PAFAH2: variants seen among roughly 807,000 people sequenced by gnomAD.
PAFAH2 encodes platelet activating factor acetylhydrolase 2.
In PAFAH2, 42 loss-of-function variants were observed where a neutral mutation model predicts 49.0. That is an observed-to-expected ratio of 0.86 (90% CI 0.67 to 1.11). The LOEUF (loss-of-function observed/expected upper bound fraction) is 1.11. Ranked by LOEUF, PAFAH2 falls within the 50% of genes least tolerant of loss-of-function variation. The pLI is 0.00. For missense variants in PAFAH2, 503 were observed against 501.8 expected, an observed-to-expected ratio of 1.00 and a Z score of -0.02; for synonymous variants, 184 against 181.3, an observed-to-expected ratio of 1.01 and a Z score of -0.12.
At chr1:25,992,246 A>G (rs749062135) in intron 1 of PAFAH2, among the ~76,000 whole-genome samples, 13 of 152,122 alleles carry the variant, frequency 8.5e-5, no homozygotes, top group Non-Finnish European at 1.2e-4. Context: ...ACTACTGAAT[A>G]TGGGGTAGCA....
At chr1:25,973,862 G>T (rs1287451873) in intron 9 of PAFAH2, among the ~76,000 whole-genome samples, 2 of 152,168 alleles carry the variant, frequency 1.3e-5, no homozygotes, top group Non-Finnish European at 2.9e-5. Context: ...TGAGATCTCA[G>T]CCCGACATCT....
intron 10 of PAFAH2, among the ~76,000 whole-genome samples, chr1:25,970,262 T>C (rs368133519): frequency 2.0e-5 from 3 of 152,058 alleles, no homozygotes; most frequent in East Asian, 3.9e-4. Context: ...AGGTTAGGAG[T>C]TCGAGACCAG....
At position 25,991,249 on chromosome 1, in the gene PAFAH2, T is replaced by C. The variant is rs143448249; in HGVS notation, c.-47-386A>G. 2.7e-3 allele frequency among the ~76,000 whole-genome samples: 416 copies of C among 152,198 alleles called. 3 individuals are homozygous for C. The highest frequency in any genetic ancestry group is 8.4e-3 in the African/African-American group (349 of 41,540). ...ACCTCTTTATAGACACTATACACAT[T>C]GCATCATTTCATTGTCTCAACCACT... On this transcript the variant is annotated intron_variant, in intron 1 of 10. Coordinates refer to ENST00000374282, the MANE Select transcript of PAFAH2 (RefSeq NM_000437.4).
chr1:25,972,416 T>C, intron 10 of PAFAH2, 142 bp downstream of exon 10: 1 of 921,250 alleles, frequency 1.1e-6, no homozygotes, highest in Non-Finnish European at 1.6e-6. Context: ...TCTGTAATTC[T>C]ATGTAAGTCT....
intron 10 of PAFAH2, 66 bp from the exon 11 acceptor site, chr1:25,962,149 A>G: frequency 7.4e-6 from 10 of 1,344,146 alleles, no homozygotes; most frequent in Non-Finnish European, 8.5e-6. Context: ...AGTAGCTGAC[A>G]TGCATTGAAG....
intron 2 of PAFAH2, among the ~76,000 whole-genome samples, chr1:25,990,093 G>A (rs1439020714): frequency 2.0e-5 from 3 of 152,046 alleles, no homozygotes; most frequent in East Asian, 1.9e-4. Context: ...GAAGTCCAAG[G>A]GCTAGCAGAG....
At chr1:25,975,499 C>A (rs1019454012) in intron 8 of PAFAH2, among the ~76,000 whole-genome samples, 6 of 152,166 alleles carry the variant, frequency 3.9e-5, no homozygotes, top group African/African-American at 1.2e-4. Context: ...TCACTTGAGC[C>A]CAGGAGGTTG....
intron 10 of PAFAH2, among the ~76,000 whole-genome samples, chr1:25,972,031 G>T (rs1038634042): frequency 2.0e-5 from 3 of 152,096 alleles, no homozygotes; most frequent in Admixed American, 6.5e-5. Flanking sequence ...ACTAGGCCAG[G>T]TCATTCTGCA....
intron 4 of PAFAH2, among the ~76,000 whole-genome samples, chr1:25,987,162 A>G (rs532769909): frequency 6.6e-6 from 1 of 151,824 alleles, no homozygotes; most frequent in Middle Eastern, 3.4e-3. Flanking sequence ...TGAACCCGGA[A>G]GGCAAAGGTT....
At chr1:25,988,627 AC>A (rs1298918531) in intron 3 of PAFAH2, among the ~76,000 whole-genome samples, 1 of 151,630 alleles carries the variant, frequency 6.6e-6, no homozygotes, top group Non-Finnish European at 1.5e-5. Flanking sequence ...GCCAAGTGAA[AC>A]CCCGTCTCTA....
rs200838566 is a variant in PAFAH2, at chr1:25,976,754, C to T, written c.686G>A (p.Arg229His). Reference protein sequence around the residue: ...MTLKGNIDMSRVAVMGHSFGG... With the variant: ...MTLKGNIDMSHVAVMGHSFGG... ...AAATGAATGTCCCATCACAGCCACA[C>T]GGCTCATGTCAATGTTGCCCTGAGG... Residue 229 changes from arginine (R) to histidine (H), a missense_variant, in exon 8 of 11, where the codon CGT becomes CAT. Transcript: ENST00000374282. 4.2e-5 allele frequency: 67 copies of T among 1,614,116 alleles called. 1 individual carries two copies. Among genetic ancestry groups the T allele is most frequent in the South Asian group, 2.0e-4 (18 of 91,076 alleles).
intron 9 of PAFAH2, 45 bp downstream of exon 9, chr1:25,974,435 G>A (rs374801544): frequency 2.7e-6 from 4 of 1,491,166 alleles, no homozygotes; most frequent in Non-Finnish European, 3.6e-6. Context: ...ACAGCAAGTG[G>A]CAAATGGAGA....
rs572041004 is a variant in PAFAH2, at chr1:25,991,440, C to T, written c.-47-577G>A. Among the ~76,000 whole-genome samples the T allele has an allele frequency of 3.0e-3, 451 of 151,970 alleles. 4 individuals are homozygous for T. Among genetic ancestry groups the T allele is most frequent in the African/African-American group, 0.01 (424 of 41,478 alleles). Reference sequence around the variant, plus strand: ...GATTACAGGCACGTGCCACCATGCCCAGCTAATTTTTTGTTTAATTTTTAG... The same window carrying T: ...GATTACAGGCACGTGCCACCATGCCTAGCTAATTTTTTGTTTAATTTTTAG... On this transcript the variant is annotated intron_variant, in intron 1 of 10. Coordinates refer to ENST00000374282, the MANE Select transcript of PAFAH2 (RefSeq NM_000437.4).
intron 1 of PAFAH2, among the ~76,000 whole-genome samples, chr1:25,994,176 C>T (rs2049909740): frequency 7.0e-6 from 1 of 142,142 alleles, no homozygotes; most frequent in South Asian, 2.2e-4. Flanking sequence ...GGGTCTTGCT[C>T]TGTCTCCCAG....
At chr1:25,978,283 T>C (rs2049627412) in intron 7 of PAFAH2, among the ~76,000 whole-genome samples, 1 of 152,166 alleles carries the variant, frequency 6.6e-6, no homozygotes, top group Non-Finnish European at 1.5e-5. Context: ...CCCCTGTCTT[T>C]TTCTATATAG....
intron 1 of PAFAH2, chr1:25,997,631 C>T (rs1264941384): frequency 6.6e-6 from 1 of 152,240 alleles, no homozygotes; most frequent in African/African-American, 2.4e-5. Flanking sequence ...TCTTCCACCG[C>T]CATGAAAAAC....
Position 25,989,524 on chromosome 1 carries a change from A to G in PAFAH2, c.168T>C (p.Tyr56=), listed in dbSNP as rs2124365148. ...ACTCGGCCAGGCCAGTGCAGTACTC[A>G]TAGCGGGGAATCCACAGGGGCTGCT... ...TMEQPLWIPR[Y]EYCTGLAEYL... is the part of the protein sequence containing the mutation. Residue 56 remains tyrosine, a synonymous_variant, in exon 3 of 11, where the codon TAT becomes TAC. Transcript: ENST00000374282. 6.2e-7 allele frequency: 1 copy of G among 1,613,092 alleles called. No individual in the cohort carries two copies. Among genetic ancestry groups the G allele is most frequent in the Non-Finnish European group, 8.5e-7 (1 of 1,179,502 alleles).
At chr1:25,982,234 T>C in intron 7 of PAFAH2, 130 bp downstream of exon 7, 1 of 671,112 alleles carries the variant, frequency 1.5e-6, no homozygotes, top group South Asian at 1.8e-5. Flanking sequence ...AAGTTGGCCT[T>C]TGATCTTCTT....
In PAFAH2 at chr1:25,961,946, ATGAAAACTTGGC is replaced by A; in HGVS notation, c.*31_*42del. 6.6e-7 allele frequency: 1 copy of A among 1,517,374 alleles called. No individual in the cohort carries two copies. 94.0% of individuals were successfully genotyped at this position (1,517,374 alleles called of 1,614,324 possible). The stretch of plus-strand genomic sequence containing the variant: ...ATGGGTGCCCTTGGGTAGCTCCCAA[ATGAAAACTTGGC>A]TGAAGTGACTTTACAAATGGCCAGT... On this transcript the variant is annotated 3_prime_UTR_variant, in exon 11 of 11. Transcript: ENST00000374282.
Sources: gnomAD v4.1 joint callset for allele counts (sites outside exome capture counted in the v4.1 genomes callset) on GRCh38, gnomAD v4.1.1 for gene constraint, MANE v1.5 for transcripts, NCBI Gene and HGNC (gene_info 2026-07-23, HGNC 2026-07-21) for gene names.